TKTL1: variants seen among roughly 807,000 people sequenced by gnomAD.
TKTL1 encodes the protein transketolase like 1.
TKTL1 carries 1 observed loss-of-function variant against 39.3 expected under a neutral mutation model. The ratio of observed to expected loss-of-function variants is 0.03; its 90% CI spans 0.01 to 0.12. The LOEUF (loss-of-function observed/expected upper bound fraction) is 0.12, where lower values mean the gene tolerates loss of function less well. TKTL1 is among the 10% of genes least tolerant of loss of function. TKTL1 has a pLI of 1.00. For synonymous variants in TKTL1, 262 were observed against 193.8 expected, an observed-to-expected ratio of 1.35 and a Z score of -2.92; for missense variants, 575 against 509.6, an observed-to-expected ratio of 1.13 and a Z score of -1.24.
At chrX:154,302,871 A>C (rs1229500632) in intron 1 of TKTL1, among the ~76,000 whole-genome samples, 1 of 111,277 alleles carries the variant, frequency 9.0e-6, no homozygotes, top group Non-Finnish European at 1.9e-5. Context: ...GCAGAGAGGC[A>C]GGGACGGGAG....
At chrX:154,310,364 G>A (rs1374930012) in intron 3 of TKTL1, among the ~76,000 whole-genome samples, 1 of 111,877 alleles carries the variant, frequency 8.9e-6, no homozygotes, top group Non-Finnish European at 1.9e-5. Flanking sequence ...GAACCCGGGA[G>A]GTGGAGGTTG....
chrX:154,319,042 G>A (rs187039446), intron 7 of TKTL1, among the ~76,000 whole-genome samples: 46 of 111,280 alleles, frequency 4.1e-4, no homozygotes, highest in Non-Finnish European at 7.2e-4. Flanking sequence ...TGGTATGTTA[G>A]TGGATGAGTA....
chrX:154,309,583 G>A, intron 3 of TKTL1, 141 bp downstream of exon 3: 1 of 518,427 alleles, frequency 1.9e-6, no homozygotes, highest in Non-Finnish European at 3.3e-6. Context: ...GACCCCTCTG[G>A]AAGGCCTTCC....
chrX:154,324,061 C>T lies in TKTL1; in HGVS notation c.1317+724C>T, dbSNP rs187778931. ...TGTTCCCTTTCCAAGCACTCATGGGCGTTTCTTTGATTTTTTTTTTTATAA... is the reference window on the plus strand; with the variant it reads ...TGTTCCCTTTCCAAGCACTCATGGGTGTTTCTTTGATTTTTTTTTTTATAA... On this transcript the variant is annotated intron_variant, in intron 9 of 12. Coordinates refer to ENST00000369915, the MANE Select transcript of TKTL1 (RefSeq NM_012253.4). Among the ~76,000 whole-genome samples, 3 of 111,932 alleles carry T rather than the reference C, an allele frequency of 2.7e-5. No individual in the cohort carries two copies. In the East Asian group the frequency reaches 8.4e-4, roughly 31 times the overall value.
intron 1 of TKTL1, chrX:154,304,838 GTTAC>G (rs2067302320): frequency 3.0e-6 from 1 of 338,056 alleles, no homozygotes; most frequent in South Asian, 3.4e-5. Context: ...AAGAGCAGCA[GTTAC>G]TTTGGCAGCA....
chrX:154,303,185 A>G (rs1177585580), intron 1 of TKTL1, among the ~76,000 whole-genome samples: 14 of 58,913 alleles, frequency 2.4e-4, no homozygotes, highest in African/African-American at 1.3e-3. Context: ...ATTTTTATTT[A>G]TTTATTTATT....
At chrX:154,301,742 C>A (rs1411440327) in intron 1 of TKTL1, among the ~76,000 whole-genome samples, 2 of 107,380 alleles carry the variant, frequency 1.9e-5, no homozygotes, top group African/African-American at 3.5e-5. Flanking sequence ...AGGTTTTAGT[C>A]CCCATTTTCT....
intron 6 of TKTL1, 95 bp downstream of exon 6, chrX:154,312,868 T>G (rs2067369414): frequency 1.2e-6 from 1 of 857,367 alleles, no homozygotes. Flanking sequence ...TCATTTATTC[T>G]GGTCTCCATG....
chrX:154,298,488 G>A (rs1379595193), intron 1 of TKTL1, among the ~76,000 whole-genome samples: 1 of 112,271 alleles, frequency 8.9e-6, no homozygotes, highest in East Asian at 2.8e-4. Flanking sequence ...GAGGCAGCTG[G>A]ATCACTTGAG....
chrX:154,311,570 A>C (rs2067357962), intron 5 of TKTL1, among the ~76,000 whole-genome samples: 1 of 110,928 alleles, frequency 9.0e-6, no homozygotes, highest in African/African-American at 3.3e-5. Context: ...CAGGTGCAAG[A>C]AATAAGAGTG....
At chrX:154,312,113 C>T (rs1017671879) in intron 5 of TKTL1, among the ~76,000 whole-genome samples, 2 of 112,064 alleles carry the variant, frequency 1.8e-5, no homozygotes, top group African/African-American at 6.5e-5. Flanking sequence ...TCCAATCTTG[C>T]TTTGGATAAA....
chrX:154,327,680 G>C lies in TKTL1; in HGVS notation c.1491G>C (p.Ser497=), dbSNP rs145236754. The change falls in exon 11 of 13, where the codon TCG becomes TCC. Residue 497 remains serine, a synonymous_variant. Coordinates refer to ENST00000369915, the MANE Select transcript of TKTL1 (RefSeq NM_012253.4). ...YEALAAADEL[S]KQDIFIRVID... is the part of the protein sequence containing the mutation. Reference sequence around the variant, plus strand: ...CCTTAGCAGCTGCTGATGAGCTTTCGAAACAAGGTCAGTTGGTTGAGTATG... The same window carrying C: ...CCTTAGCAGCTGCTGATGAGCTTTCCAAACAAGGTCAGTTGGTTGAGTATG... 7 of 1,208,530 alleles carry C rather than the reference G, an allele frequency of 5.8e-6. No individual in the cohort carries two copies. In the African/African-American group the frequency reaches 1.2e-4, roughly 21 times the overall value.
At chrX:154,329,294 T>G (rs1214458168) in intron 12 of TKTL1, among the ~76,000 whole-genome samples, 1 of 111,650 alleles carries the variant, frequency 9.0e-6, no homozygotes, top group South Asian at 3.7e-4. Flanking sequence ...AGAATCAGAG[T>G]GCCACAGACC....
At chrX:154,320,487 C>T in intron 7 of TKTL1, 1 of 376,844 alleles carries the variant, frequency 2.7e-6, no homozygotes, top group East Asian at 4.2e-5. Context: ...CCTGTCGGGG[C>T]ATGGACCCTG....
chrX:154,297,404 C>T (rs2148796947), intron 1 of TKTL1, among the ~76,000 whole-genome samples: 1 of 110,593 alleles, frequency 9.0e-6, no homozygotes, highest in South Asian at 3.9e-4. Context: ...TGCAGGCGCC[C>T]GCCACCACGC....
chrX:154,325,275 T>C, intron 9 of TKTL1, 64 bp from the exon 10 acceptor site: 1 of 1,063,439 alleles, frequency 9.4e-7, no homozygotes, highest in Non-Finnish European at 1.3e-6. Flanking sequence ...TTCACTTCTT[T>C]CAACGTCTGT....
At chrX:154,318,263 A>C (rs1464020023) in intron 7 of TKTL1, among the ~76,000 whole-genome samples, 1 of 110,036 alleles carries the variant, frequency 9.1e-6, no homozygotes, top group Non-Finnish European at 1.9e-5. Flanking sequence ...GTTGCAAAGG[A>C]TGTAGTTGTT....
At chrX:154,296,877 G>GT (rs2067233589) in intron 1 of TKTL1, among the ~76,000 whole-genome samples, 1 of 111,923 alleles carries the variant, frequency 8.9e-6, no homozygotes, top group Non-Finnish European at 1.9e-5. Flanking sequence ...TTAGCTGGGC[G>GT]TGGTGGCACG....
At chrX:154,322,331 AGACCAGCCT>A (rs2067458356) in intron 8 of TKTL1, among the ~76,000 whole-genome samples, 2 of 107,908 alleles carry the variant, frequency 1.9e-5, no homozygotes, top group Non-Finnish European at 3.8e-5. Context: ...CAGGAGTTTG[AGACCAGCCT>A]GACCAATATG....
Sources: gnomAD v4.1 joint callset for allele counts (sites outside exome capture counted in the v4.1 genomes callset) on GRCh38, gnomAD v4.1.1 for gene constraint, MANE v1.5 for transcripts, NCBI Gene and HGNC (gene_info 2026-07-23, HGNC 2026-07-21) for gene names.